Variants in GPC6 observed in about 807,000 individuals in gnomAD.
GPC6 encodes glypican 6.
Under a neutral mutation model 55.2 loss-of-function variants are expected in GPC6, and 14 were observed. The observed-to-expected ratio is 0.25, with a 90% CI of 0.17 to 0.40. GPC6 has a LOEUF of 0.40. GPC6 is among the 10% of genes least tolerant of loss of function. The pLI, the probability that GPC6 is intolerant of heterozygous loss-of-function variation, is 1.00. For missense variants in GPC6, 641 were observed against 708.5 expected (o/e 0.90, Z 1.08); for synonymous variants, 278 against 259.6 (o/e 1.07, Z -0.68).
At chr13:93,429,851 C>T (rs1257816286) in intron 1 of GPC6, among the ~76,000 whole-genome samples, 1 of 152,098 alleles carries the variant, frequency 6.6e-6, no homozygotes, top group East Asian at 1.9e-4. Context: ...ATAAGAACAT[C>T]TGTGAGCCAG....
chr13:93,441,498 G>A (rs1398501841), intron 1 of GPC6, among the ~76,000 whole-genome samples: 1 of 152,190 alleles, frequency 6.6e-6, no homozygotes. Flanking sequence ...CTTCTTTTGA[G>A]AAGTCTCTGT....
intron 1 of GPC6, among the ~76,000 whole-genome samples, chr13:93,290,977 T>C (rs1264219418): frequency 6.6e-6 from 1 of 152,188 alleles, no homozygotes; most frequent in Non-Finnish European, 1.5e-5. Context: ...TGCATATTTT[T>C]TGTAACCAGA....
chr13:93,382,071 A>G (rs186853136), intron 1 of GPC6, among the ~76,000 whole-genome samples: 1,601 of 152,296 alleles, frequency 0.011, 21 homozygotes, highest in African/African-American at 0.036. Flanking sequence ...ATACAATTCA[A>G]ATAAAGGAAA....
chr13:93,474,770 T>C (rs9561358), intron 1 of GPC6, among the ~76,000 whole-genome samples: 18,197 of 152,266 alleles, frequency 0.12, 1,364 homozygotes, highest in East Asian at 0.28. Context: ...GTGAGAGTCA[T>C]GTTGGAAGGT....
At chr13:93,641,569 T>A (rs1879944236) in intron 2 of GPC6, among the ~76,000 whole-genome samples, 1 of 152,106 alleles carries the variant, frequency 6.6e-6, no homozygotes, top group Non-Finnish European at 1.5e-5. Flanking sequence ...TATACAAGTG[T>A]CTTACTCAAA....
the GPC6 span, among the ~76,000 whole-genome samples, chr13:93,220,943 C>T: frequency 6.6e-6 from 1 of 152,064 alleles, no homozygotes; most frequent in African/African-American, 2.4e-5. Context: ...GAATGCAGTG[C>T]ACTGTCACCA....
intron 2 of GPC6, among the ~76,000 whole-genome samples, chr13:93,600,229 A>G (rs1172159698): frequency 2.0e-5 from 3 of 152,248 alleles, no homozygotes; most frequent in Non-Finnish European, 2.9e-5. Context: ...GTTACTAAGC[A>G]TCAAGGATCA....
At chr13:93,353,565 G>T (rs546256273) in intron 1 of GPC6, among the ~76,000 whole-genome samples, 1 of 152,214 alleles carries the variant, frequency 6.6e-6, no homozygotes, top group Non-Finnish European at 1.5e-5. Flanking sequence ...CATTCAGAAG[G>T]TGTTTAAGAA....
intron 1 of GPC6, among the ~76,000 whole-genome samples, chr13:93,256,836 G>C (rs564212926): frequency 6.6e-6 from 1 of 152,214 alleles, no homozygotes; most frequent in African/African-American, 2.4e-5. Flanking sequence ...TGTCATCAAA[G>C]GTATTTCACA....
At chr13:94,296,968 T>C (rs1875368168) in intron 5 of GPC6, among the ~76,000 whole-genome samples, 1 of 152,112 alleles carries the variant, frequency 6.6e-6, no homozygotes, top group African/African-American at 2.4e-5. Flanking sequence ...AATCAATGCG[T>C]TTGTTAATAA....
At chr13:94,354,425 C>T (rs1164187350) in intron 6 of GPC6, among the ~76,000 whole-genome samples, 1 of 151,228 alleles carries the variant, frequency 6.6e-6, no homozygotes, top group Admixed American at 6.6e-5. Context: ...CCAAATGAAA[C>T]AAGAAACAAA....
intron 2 of GPC6, among the ~76,000 whole-genome samples, chr13:93,768,954 G>T (rs555881141): frequency 2.0e-5 from 3 of 152,004 alleles, no homozygotes; most frequent in African/African-American, 7.2e-5. Context: ...ACAAAAGTGG[G>T]ATTTAAACTC....
intron 2 of GPC6, among the ~76,000 whole-genome samples, chr13:93,580,230 G>A (rs1331075328): frequency 1.3e-5 from 2 of 152,182 alleles, no homozygotes; most frequent in Non-Finnish European, 1.5e-5. Flanking sequence ...AACTCTCTTG[G>A]GGTCTCTTTT....
chr13:94,257,237 A>G (rs1394562047), intron 4 of GPC6, among the ~76,000 whole-genome samples: 1 of 152,202 alleles, frequency 6.6e-6, no homozygotes, highest in African/African-American at 2.4e-5. Context: ...ATAACATGGG[A>G]GATCACACAA....
At chr13:93,359,413 G>C (rs899122654) in intron 1 of GPC6, among the ~76,000 whole-genome samples, 1 of 152,118 alleles carries the variant, frequency 6.6e-6, no homozygotes, top group Admixed American at 6.6e-5. Context: ...TGTAAAATGG[G>C]ATAATCGTAC....
intron 3 of GPC6, among the ~76,000 whole-genome samples, chr13:93,898,549 A>G (rs1876150176): frequency 6.6e-6 from 1 of 152,132 alleles, no homozygotes; most frequent in African/African-American, 2.4e-5. Context: ...GCGGACTGTA[A>G]CATTTGATTT....
At chr13:93,493,648 T>C (rs1039792046) in intron 1 of GPC6, among the ~76,000 whole-genome samples, 6 of 139,784 alleles carry the variant, frequency 4.3e-5, no homozygotes, top group Non-Finnish European at 7.8e-5. Context: ...CTGCTTTCTC[T>C]TGTGGGCATT....
intron 1 of GPC6, among the ~76,000 whole-genome samples, chr13:93,428,460 A>G (rs1300913377): frequency 6.6e-6 from 1 of 152,142 alleles, no homozygotes; most frequent in Non-Finnish European, 1.5e-5. Context: ...AGGGATAAAA[A>G]TCTATTTTCT....
chr13:93,436,840 C>G (rs1463861145), intron 1 of GPC6, among the ~76,000 whole-genome samples: 1 of 151,992 alleles, frequency 6.6e-6, no homozygotes, highest in Non-Finnish European at 1.5e-5. Flanking sequence ...ACAGGCATAC[C>G]TCATTTTATT....
Sources: gnomAD v4.1 joint callset for allele counts (sites outside exome capture counted in the v4.1 genomes callset) on GRCh38, gnomAD v4.1.1 for gene constraint, MANE v1.5 for transcripts, NCBI Gene and HGNC (gene_info 2026-07-23, HGNC 2026-07-21) for gene names.